The following CFAP299 variants were observed in gnomAD, a reference collection of about 807,000 sequenced individuals.
CFAP299 encodes cilia- and flagella-associated protein 299.
CFAP299 carries 21 observed loss-of-function variants against 27.0 expected under a neutral mutation model. The observed-to-expected ratio is 0.78, with a 90% CI of 0.55 to 1.12. CFAP299 has a LOEUF of 1.12. Among genes scored for constraint, CFAP299 ranks in the 50% most tolerant of loss-of-function variants. The probability of loss-of-function intolerance (pLI) is 0.00; values close to 1 mark genes in which losing one functional copy is unlikely to be tolerated. For missense variants in CFAP299, 310 were observed against 276.6 expected (o/e 1.12, Z -0.86); for synonymous variants, 104 against 98.1 (o/e 1.06, Z -0.36).
intron 2 of CFAP299, among the ~76,000 whole-genome samples, chr4:80,518,597 A>G (rs1732709278): frequency 6.6e-6 from 1 of 152,186 alleles, no homozygotes; most frequent in Admixed American, 6.5e-5. Flanking sequence ...GAGGGCAGAA[A>G]GCTCTAAAAT....
chr4:80,728,861 A>C (rs1315548351), intron 3 of CFAP299, among the ~76,000 whole-genome samples: 1 of 152,144 alleles, frequency 6.6e-6, no homozygotes, highest in Non-Finnish European at 1.5e-5. Context: ...GAGGAATCCT[A>C]TCTTCACTGG....
intron 2 of CFAP299, among the ~76,000 whole-genome samples, chr4:80,485,338 G>A (rs530477774): frequency 6.6e-6 from 1 of 151,194 alleles, no homozygotes; most frequent in African/African-American, 2.4e-5. Flanking sequence ...AGAATGTGAG[G>A]TATTCTCAGG....
At chr4:80,882,874 G>A (rs575657527) in intron 4 of CFAP299, among the ~76,000 whole-genome samples, 1 of 152,080 alleles carries the variant, frequency 6.6e-6, no homozygotes, top group Non-Finnish European at 1.5e-5. Context: ...AATTGAGAGA[G>A]CTCATTACAA....
chr4:80,703,086 G>C (rs528272981), intron 3 of CFAP299, among the ~76,000 whole-genome samples: 1 of 151,762 alleles, frequency 6.6e-6, no homozygotes, highest in African/African-American at 2.4e-5. Flanking sequence ...CATATACATA[G>C]CATATGTCTA....
chr4:80,400,715 A>G (rs1046318268), intron 2 of CFAP299, among the ~76,000 whole-genome samples: 4 of 152,136 alleles, frequency 2.6e-5, no homozygotes, highest in African/African-American at 9.7e-5. Flanking sequence ...TGTACCAGTA[A>G]AGTTGGGCGT....
intron 3 of CFAP299, among the ~76,000 whole-genome samples, chr4:80,704,587 A>T (rs905419933): frequency 8.6e-5 from 13 of 151,858 alleles, no homozygotes; most frequent in African/African-American, 3.1e-4. Context: ...TTTATAATAG[A>T]TATAGCAGAT....
chr4:80,770,343 A>G (rs930933323), intron 3 of CFAP299, among the ~76,000 whole-genome samples: 4 of 151,982 alleles, frequency 2.6e-5, no homozygotes, highest in African/African-American at 9.7e-5. Context: ...TAGCCTAAAT[A>G]CTCTGGCAGT....
chr4:80,353,390 T>C (rs535557244), intron 1 of CFAP299, among the ~76,000 whole-genome samples: 84 of 152,308 alleles, frequency 5.5e-4, no homozygotes, highest in Non-Finnish European at 9.7e-4. Context: ...CTGAGAGTGC[T>C]CTCCAGTAAA....
At chr4:80,579,708 A>G (rs911575591) in intron 2 of CFAP299, among the ~76,000 whole-genome samples, 3 of 152,160 alleles carry the variant, frequency 2.0e-5, no homozygotes, top group African/African-American at 7.2e-5. Flanking sequence ...AGTTATAACA[A>G]CAGCAATAAA....
chr4:80,547,624 C>T (rs891585325), intron 2 of CFAP299, among the ~76,000 whole-genome samples: 1 of 152,054 alleles, frequency 6.6e-6, no homozygotes, highest in African/African-American at 2.4e-5. Flanking sequence ...GCAAACTAAG[C>T]ATCCAACAAA....
chr4:80,662,753 G>T (rs1355860703), intron 3 of CFAP299, among the ~76,000 whole-genome samples: 1 of 152,180 alleles, frequency 6.6e-6, no homozygotes, highest in African/African-American at 2.4e-5. Context: ...AAGTGTGAAA[G>T]AATGGGTGTC....
rs180999188 is a variant in CFAP299 at position 80,654,757 on chromosome 4, A to G, written c.333+71574A>G. Among the ~76,000 whole-genome samples, 13 of 149,580 alleles carry G rather than the reference A, an allele frequency of 8.7e-5. No individual in the cohort carries two copies. The East Asian group carries it at 2.2e-3, about 25-fold the overall frequency. ...TGAGTAGCTGGGACTATAGGCATGC[A>G]TGCCACCATGCCGAGCTAATTTTTA... On this transcript the variant is annotated intron_variant, in intron 3 of 5. Coordinates refer to ENST00000358105, the MANE Select transcript of CFAP299 (RefSeq NM_152770.3).
At chr4:80,954,429 T>C (rs1737946307) in intron 5 of CFAP299, among the ~76,000 whole-genome samples, 1 of 152,152 alleles carries the variant, frequency 6.6e-6, no homozygotes, top group Non-Finnish European at 1.5e-5. Context: ...ATAGCATGAA[T>C]AGTGACCAAG....
intron 2 of CFAP299, among the ~76,000 whole-genome samples, chr4:80,509,850 C>T (rs1732209283): frequency 6.7e-6 from 1 of 149,776 alleles, no homozygotes; most frequent in Non-Finnish European, 1.5e-5. Context: ...ATCTTCTGCA[C>T]TGCTGCCAGA....
intron 3 of CFAP299, among the ~76,000 whole-genome samples, chr4:80,741,006 ACCCCAAGAG>A (rs1374999980): frequency 6.6e-6 from 1 of 152,116 alleles, no homozygotes. Context: ...GGATTTGGTG[ACCCCAAGAG>A]CTTGCTTGTT....
chr4:80,937,312 CTTTTTTTT>C (rs70956081), intron 4 of CFAP299, among the ~76,000 whole-genome samples: 3,877 of 68,706 alleles, frequency 0.056, 158 homozygotes, highest in African/African-American at 0.2. Context: ...TTTTTTCTTT[CTTTTTTTT>C]TTTTTTTTTT....
At chr4:80,557,503 A>G (rs759584924) in intron 2 of CFAP299, among the ~76,000 whole-genome samples, 4 of 152,090 alleles carry the variant, frequency 2.6e-5, no homozygotes, top group Non-Finnish European at 5.9e-5. Context: ...TCTAACACGT[A>G]CAAATTAAAA....
At position 80,638,179 on chromosome 4, in the gene CFAP299, C is replaced by G. The variant is rs577893401; in HGVS notation, c.333+54996C>G. 7.2e-5 allele frequency among the ~76,000 whole-genome samples: 11 copies of G among 152,250 alleles called. No homozygotes were observed. The South Asian group carries it at 2.3e-3, about 32-fold the overall frequency. Reference sequence around the variant, plus strand: ...AGGAACATGGCTGGTAGACCAGAAACAAGTAACTTCAACTTCCTGCTGCAG... The same window carrying G: ...AGGAACATGGCTGGTAGACCAGAAAGAAGTAACTTCAACTTCCTGCTGCAG... On this transcript the variant is annotated intron_variant, in intron 3 of 5. Transcript: ENST00000358105.
At chr4:80,588,485 T>A (rs1736561382) in intron 3 of CFAP299, among the ~76,000 whole-genome samples, 1 of 151,076 alleles carries the variant, frequency 6.6e-6, no homozygotes, top group Admixed American at 6.6e-5. Flanking sequence ...TCATTTTATA[T>A]GAAAATTTAA....
Sources: gnomAD v4.1 joint callset for allele counts (sites outside exome capture counted in the v4.1 genomes callset) on GRCh38, gnomAD v4.1.1 for gene constraint, MANE v1.5 for transcripts, NCBI Gene and HGNC (gene_info 2026-07-23, HGNC 2026-07-21) for gene names.